Variants in TEX10 observed in about 807,000 individuals in gnomAD.
The protein encoded by TEX10 is testis-expressed protein 10.
TEX10 carries 24 observed loss-of-function variants against 104.4 expected under a neutral mutation model. The ratio of observed to expected loss-of-function variants is 0.23; its 90% CI spans 0.17 to 0.32. TEX10 has a LOEUF of 0.32. TEX10 is among the 10% of genes least tolerant of loss of function. The pLI is 1.00. For synonymous variants in TEX10, 396 were observed against 393.4 expected (o/e 1.01, Z -0.08); for missense variants, 921 against 1,083.9 (o/e 0.85, Z 2.11).
chr9:100,320,496 A>G (rs1834539672), intron 10 of TEX10, 98 bp from the exon 11 acceptor site: 1 of 1,320,274 alleles, frequency 7.6e-7, no homozygotes. Context: ...TCAAGTGAAC[A>G]TTCTTTAAGC....
chr9:100,323,125 T>C (rs894403260), intron 9 of TEX10, among the ~76,000 whole-genome samples: 9 of 152,148 alleles, frequency 5.9e-5, no homozygotes, highest in Non-Finnish European at 8.8e-5. Flanking sequence ...CAGGAAGCAA[T>C]TGTGCCATCC....
intron 11 of TEX10, among the ~76,000 whole-genome samples, chr9:100,313,773 G>A (rs1720336947): frequency 6.6e-6 from 1 of 151,670 alleles, no homozygotes; most frequent in South Asian, 2.1e-4. Flanking sequence ...GAACCCAGGA[G>A]GCAGAGGTTG....
intron 13 of TEX10, chr9:100,306,138 A>G (rs906907196): frequency 5.3e-5 from 8 of 152,214 alleles, no homozygotes; most frequent in Admixed American, 5.2e-4. Flanking sequence ...AAATCTCAGT[A>G]GGAGGATTAA....
At chr9:100,335,445 C>A (rs59242794) in intron 5 of TEX10, among the ~76,000 whole-genome samples, 69,064 of 151,980 alleles carry the variant, frequency 0.45, 17,379 homozygotes, top group East Asian at 0.89. Flanking sequence ...TCATGGTCCG[C>A]TGCCTCAGCC....
chr9:100,309,624 G>A (rs1834224582), intron 12 of TEX10, among the ~76,000 whole-genome samples: 1 of 152,202 alleles, frequency 6.6e-6, no homozygotes, highest in South Asian at 2.1e-4. Flanking sequence ...TCCAACTCAA[G>A]GGAAGTAACA....
At chr9:100,347,894 A>G (rs1043497488) in intron 2 of TEX10, among the ~76,000 whole-genome samples, 6 of 152,242 alleles carry the variant, frequency 3.9e-5, no homozygotes, top group African/African-American at 1.4e-4. Context: ...AGTATTATTT[A>G]AACTTCAGAG....
intron 10 of TEX10, 99 bp from the exon 11 acceptor site, chr9:100,320,497 T>C (rs1407904584): frequency 7.7e-7 from 1 of 1,298,612 alleles, no homozygotes; most frequent in East Asian, 2.5e-5. Flanking sequence ...CAAGTGAACA[T>C]TCTTTAAGCT....
At position 100,339,290 on chromosome 9, in the gene TEX10, T is replaced by TATAC. The variant is rs373547327; in HGVS notation, c.1250+966_1250+967insGTAT. ...AAAAAAAAAAGTATATATATATATA[T>TATAC]ACATATATATATACACATATTTGTT... On this transcript the variant is annotated intron_variant, in intron 5 of 14. Coordinates refer to ENST00000374902, the MANE Select transcript of TEX10 (RefSeq NM_017746.4). Among the ~76,000 whole-genome samples, 955 of 126,866 alleles carry TATAC rather than the reference T, an allele frequency of 7.5e-3. 10 individuals are homozygous for TATAC. The highest frequency in any genetic ancestry group is 0.011 in the Non-Finnish European group (678 of 62,170). The allele number at this position is 126,866 out of a possible 152,430, so 83.2% of individuals were successfully genotyped here.
intron 11 of TEX10, 44 bp from the exon 12 acceptor site, chr9:100,310,423 A>T: frequency 6.5e-7 from 1 of 1,535,854 alleles, no homozygotes; most frequent in Non-Finnish European, 9.0e-7. Flanking sequence ...AGAACATTTT[A>T]GATCAGAAAC....
intron 11 of TEX10, among the ~76,000 whole-genome samples, chr9:100,313,572 G>A (rs1490359356): frequency 1.3e-5 from 2 of 151,252 alleles, no homozygotes; most frequent in African/African-American, 4.9e-5. Context: ...AATAGGGTCG[G>A]GCACAGTGGG....
intron 9 of TEX10, among the ~76,000 whole-genome samples, chr9:100,325,263 C>A (rs1486755452): frequency 6.6e-6 from 1 of 152,180 alleles, no homozygotes; most frequent in Non-Finnish European, 1.5e-5. Flanking sequence ...CAGACCCTAC[C>A]CACAACCAGT....
intron 14 of TEX10, 92 bp downstream of exon 14, chr9:100,303,540 T>C: frequency 2.9e-6 from 4 of 1,376,532 alleles, no homozygotes; most frequent in Non-Finnish European, 2.0e-6. Flanking sequence ...ATGGGATCCC[T>C]TTCCTCCCTC....
At chr9:100,319,781 G>C (rs1170074201) in intron 11 of TEX10, among the ~76,000 whole-genome samples, 1 of 151,808 alleles carries the variant, frequency 6.6e-6, no homozygotes, top group African/African-American at 2.4e-5. Context: ...ACTCTAACCT[G>C]GGCAACAAGA....
At chr9:100,346,439 C>A in intron 3 of TEX10, 124 bp from the exon 4 acceptor site, 5 of 1,169,378 alleles carry the variant, frequency 4.3e-6, no homozygotes, top group Non-Finnish European at 5.9e-6. Flanking sequence ...TTACATCAAT[C>A]AAAACTAGTA....
intron 4 of TEX10, among the ~76,000 whole-genome samples, chr9:100,343,871 CAA>C (rs2118926388): frequency 6.6e-6 from 1 of 152,264 alleles, no homozygotes; most frequent in South Asian, 2.1e-4. Flanking sequence ...TGTGGCCAGG[CAA>C]AGAGGCTCAT....
At position 100,332,135 on chromosome 9, in the gene TEX10, G is replaced by A. The variant is rs182225920; in HGVS notation, c.1251-1966C>T. On this transcript the variant is annotated intron_variant, in intron 5 of 14. Coordinates refer to ENST00000374902, the MANE Select transcript of TEX10 (RefSeq NM_017746.4). ...AAGTCTGACACTGGAAGAAGTCTGA[G>A]CTATTTAATAGAAATTACCCATATG... is the stretch of plus-strand genomic sequence containing the variant. Among the ~76,000 whole-genome samples, 3 of 152,326 alleles carry A rather than the reference G, an allele frequency of 2.0e-5. No homozygotes were observed. The East Asian group carries it at 5.8e-4, about 29-fold the overall frequency.
In TEX10 at chr9:100,302,116, C is replaced by T; in HGVS notation, c.*75G>A. ...AAAGTTCAGCTTTAATGACAAAGAT[C>T]TATTACATCAGTCTTTTTCTTCAAA... is the stretch of plus-strand genomic sequence containing the variant. On this transcript the variant is annotated 3_prime_UTR_variant, in exon 15 of 15. Coordinates refer to ENST00000374902, the MANE Select transcript of TEX10 (RefSeq NM_017746.4). The T allele has an allele frequency of 1.2e-6, 1 of 856,458 alleles. No individual in the cohort carries two copies. Among genetic ancestry groups the T allele is most frequent in the East Asian group, 2.6e-5 (1 of 39,002 alleles). The allele number at this position is 856,458 out of a possible 1,614,324, so 53.1% of individuals were successfully genotyped here.
intron 11 of TEX10, among the ~76,000 whole-genome samples, chr9:100,316,915 A>AAAC (rs1217250328): frequency 6.0e-4 from 91 of 151,150 alleles, no homozygotes; most frequent in African/African-American, 2.2e-3. Context: ...AAAAAAAAAA[A>AAAC]ACCTAGGAAT....
intron 11 of TEX10, among the ~76,000 whole-genome samples, chr9:100,317,517 C>T (rs1221750209): frequency 3.3e-5 from 5 of 152,084 alleles, no homozygotes; most frequent in Non-Finnish European, 5.9e-5. Context: ...AAATGTAGGA[C>T]ATGAAACTAT....
Sources: gnomAD v4.1 joint callset for allele counts (sites outside exome capture counted in the v4.1 genomes callset) on GRCh38, gnomAD v4.1.1 for gene constraint, MANE v1.5 for transcripts, NCBI Gene and HGNC (gene_info 2026-07-23, HGNC 2026-07-21) for gene names.